Variants in RGS7BP observed in about 807,000 individuals in gnomAD.
RGS7BP encodes regulator of G protein signaling 7-binding protein.
RGS7BP carries 9 observed loss-of-function variants against 31.3 expected under a neutral mutation model. The observed-to-expected ratio is 0.29, with a 90% CI of 0.17 to 0.50. The LOEUF is 0.50. Ranked by LOEUF, RGS7BP falls within the 20% of genes least tolerant of loss-of-function variation. The pLI is 0.98. For synonymous variants in RGS7BP, 115 were observed against 120.1 expected (o/e 0.96, Z 0.28); for missense variants, 274 against 322.0 (o/e 0.85, Z 1.14).
At chr5:64,527,377 A>T (rs1232320833) in intron 2 of RGS7BP, among the ~76,000 whole-genome samples, 1 of 152,126 alleles carries the variant, frequency 6.6e-6, no homozygotes, top group South Asian at 2.1e-4. Flanking sequence ...TATATTTTTA[A>T]ATCTCAGCAG....
chr5:64,542,306 G>A (rs972603584), intron 2 of RGS7BP, among the ~76,000 whole-genome samples: 1 of 152,214 alleles, frequency 6.6e-6, no homozygotes, highest in Non-Finnish European at 1.5e-5. Context: ...CCTGCATTAG[G>A]ACATGCTTTG....
At chr5:64,534,367 G>T (rs1329474820) in intron 2 of RGS7BP, among the ~76,000 whole-genome samples, 3 of 152,190 alleles carry the variant, frequency 2.0e-5, no homozygotes, top group Non-Finnish European at 4.4e-5. Flanking sequence ...TTAAAATGCA[G>T]TGAAAAGCCA....
At chr5:64,524,419 C>T (rs1019590347) in intron 2 of RGS7BP, among the ~76,000 whole-genome samples, 12 of 151,998 alleles carry the variant, frequency 7.9e-5, no homozygotes, top group Non-Finnish European at 1.5e-4. Flanking sequence ...GGTATTACCG[C>T]GGAGTGATGT....
intron 3 of RGS7BP, among the ~76,000 whole-genome samples, chr5:64,580,785 C>T (rs1742570394): frequency 6.6e-6 from 1 of 152,126 alleles, no homozygotes; most frequent in Admixed American, 6.5e-5. Context: ...TCTGGATGAA[C>T]TCACTAAATG....
intron 2 of RGS7BP, among the ~76,000 whole-genome samples, chr5:64,553,412 T>G (rs1324634172): frequency 6.6e-6 from 1 of 152,154 alleles, no homozygotes; most frequent in Non-Finnish European, 1.5e-5. Flanking sequence ...CCTCAGGTGA[T>G]CCACCTGCCT....
intron 5 of RGS7BP, among the ~76,000 whole-genome samples, chr5:64,605,993 A>G (rs541446227): frequency 2.8e-5 from 4 of 141,004 alleles, no homozygotes; most frequent in Non-Finnish European, 6.2e-5. Flanking sequence ...ATACATATAT[A>G]TATGCTATAT....
At chr5:64,535,471 A>G (rs1256352811) in intron 2 of RGS7BP, among the ~76,000 whole-genome samples, 2 of 152,160 alleles carry the variant, frequency 1.3e-5, no homozygotes, top group East Asian at 3.9e-4. Flanking sequence ...ACTTCTGGAA[A>G]GATGCTCCCT....
At chr5:64,534,131 C>G (rs1301701875) in intron 2 of RGS7BP, among the ~76,000 whole-genome samples, 1 of 152,052 alleles carries the variant, frequency 6.6e-6, no homozygotes, top group Non-Finnish European at 1.5e-5. Context: ...GGGGTGAGAT[C>G]TGAATGGTAA....
chr5:64,538,895 A>G (rs1268447193), intron 2 of RGS7BP, among the ~76,000 whole-genome samples: 1 of 151,160 alleles, frequency 6.6e-6, no homozygotes, highest in African/African-American at 2.4e-5. Context: ...TTGAGATTCC[A>G]CTCGATTCTA....
At chr5:64,585,571 G>A (rs2111929617) in intron 3 of RGS7BP, among the ~76,000 whole-genome samples, 1 of 152,242 alleles carries the variant, frequency 6.6e-6, no homozygotes, top group East Asian at 1.9e-4. Flanking sequence ...TCTGGTGCCT[G>A]TGCCAAGGAC....
intron 3 of RGS7BP, among the ~76,000 whole-genome samples, chr5:64,588,999 T>A (rs1417462533): frequency 6.6e-6 from 1 of 152,068 alleles, no homozygotes; most frequent in African/African-American, 2.4e-5. Context: ...GATTACTTAA[T>A]AGTTACTGAG....
intron 3 of RGS7BP, among the ~76,000 whole-genome samples, chr5:64,582,497 T>C (rs1262932287): frequency 6.6e-6 from 1 of 152,210 alleles, no homozygotes. Flanking sequence ...CTGCTTGTCC[T>C]CTCTGCCATA....
At chr5:64,526,137 G>C (rs144143185) in intron 2 of RGS7BP, among the ~76,000 whole-genome samples, 2 of 152,356 alleles carry the variant, frequency 1.3e-5, no homozygotes, top group Non-Finnish European at 2.9e-5. Flanking sequence ...ACGAGAGCCA[G>C]ATCTCAAATC....
intron 2 of RGS7BP, among the ~76,000 whole-genome samples, chr5:64,521,586 CAG>C (rs1394728953): frequency 6.6e-6 from 1 of 152,176 alleles, no homozygotes; most frequent in African/African-American, 2.4e-5. Flanking sequence ...TGTCAGTAAA[CAG>C]ATATTTTCTG....
At chr5:64,545,287 T>G (rs143727030) in intron 2 of RGS7BP, among the ~76,000 whole-genome samples, 247 of 151,760 alleles carry the variant, frequency 1.6e-3, no homozygotes, top group African/African-American at 5.7e-3. Flanking sequence ...TGGGGAGGGA[T>G]AGCATTAGGA....
intron 3 of RGS7BP, among the ~76,000 whole-genome samples, chr5:64,588,687 AC>A (rs1189603453): frequency 6.6e-6 from 1 of 152,150 alleles, no homozygotes; most frequent in African/African-American, 2.4e-5. Flanking sequence ...AAAATCTCAA[AC>A]TTTTCACAGT....
chr5:64,566,218 C>T (rs902480536), intron 2 of RGS7BP, among the ~76,000 whole-genome samples: 4 of 152,082 alleles, frequency 2.6e-5, no homozygotes, highest in African/African-American at 9.7e-5. Context: ...CTTCCTAAAC[C>T]CTCCTCAAAG....
At chr5:64,577,994 C>T (rs1742482411) in intron 3 of RGS7BP, among the ~76,000 whole-genome samples, 1 of 152,194 alleles carries the variant, frequency 6.6e-6, no homozygotes, top group Admixed American at 6.5e-5. Context: ...TCTCCTTCTG[C>T]CATCCACTCT....
chr5:64,601,046 C>T (rs2111973477), intron 5 of RGS7BP, among the ~76,000 whole-genome samples: 1 of 152,278 alleles, frequency 6.6e-6, no homozygotes, highest in Admixed American at 6.5e-5. Flanking sequence ...CTAATATGTG[C>T]AGGAAATGGT....
Sources: allele counts gnomAD v4.1 joint callset (sites outside exome capture counted in the v4.1 genomes callset), GRCh38; gene constraint gnomAD v4.1.1; transcripts MANE v1.5; gene names NCBI Gene and HGNC (gene_info 2026-07-23, HGNC 2026-07-21).